The following ATP8A2 variants were observed in gnomAD, a reference collection of about 807,000 sequenced individuals.
ATP8A2 encodes the protein ATPase phospholipid transporting 8A2.
A neutral mutation model predicts 165.6 loss-of-function variants in ATP8A2; 100 were observed. The observed-to-expected ratio is 0.60, with a 90% CI of 0.51 to 0.71. ATP8A2 has a LOEUF of 0.71. Among genes scored for constraint, ATP8A2 ranks in the 30% least tolerant of loss-of-function variants. ATP8A2 has a pLI of 0.00. For synonymous variants in ATP8A2, 543 were observed against 548.8 expected, an observed-to-expected ratio of 0.99 and a Z score of 0.15; for missense variants, 1,227 against 1,479.5, an observed-to-expected ratio of 0.83 and a Z score of 2.80.
intron 1 of ATP8A2, among the ~76,000 whole-genome samples, chr13:25,393,035 G>A (rs994790091): frequency 6.6e-6 from 1 of 151,776 alleles, no homozygotes; most frequent in African/African-American, 2.4e-5. Context: ...GATAAAGATT[G>A]ATAAGCTTTT....
intron 24 of ATP8A2, chr13:25,649,079 A>T (rs2041749252): frequency 2.0e-6 from 1 of 488,536 alleles, no homozygotes; most frequent in African/African-American, 1.9e-5. Flanking sequence ...GAGTCCATGT[A>T]ATCCTTGTGT....
chr13:26,006,049 CA>C (rs979962018), intron 35 of ATP8A2, among the ~76,000 whole-genome samples: 3 of 151,338 alleles, frequency 2.0e-5, no homozygotes, highest in African/African-American at 4.8e-5. Context: ...AACAAACAAA[CA>C]AAAAAAACCA....
intron 24 of ATP8A2, among the ~76,000 whole-genome samples, chr13:25,644,132 T>G (rs973273081): frequency 1.4e-5 from 2 of 141,812 alleles, no homozygotes; most frequent in Non-Finnish European, 3.0e-5. Context: ...TAGTTCTGAG[T>G]TTTTTGGTGG....
chr13:25,856,098 C>G (rs1952158180), intron 30 of ATP8A2, among the ~76,000 whole-genome samples: 1 of 152,078 alleles, frequency 6.6e-6, no homozygotes, highest in African/African-American at 2.4e-5. Flanking sequence ...TTCAGGTTGT[C>G]TTTTTACTTT....
chr13:25,848,920 C>T (rs1363530125), intron 30 of ATP8A2, among the ~76,000 whole-genome samples: 4 of 151,864 alleles, frequency 2.6e-5, no homozygotes, highest in African/African-American at 9.7e-5. Flanking sequence ...TGGAATATAT[C>T]TTCACTCTTG....
chr13:25,647,380 G>C (rs1226101743), intron 24 of ATP8A2, among the ~76,000 whole-genome samples: 1 of 152,136 alleles, frequency 6.6e-6, no homozygotes, highest in Non-Finnish European at 1.5e-5. Context: ...AATATTTTTG[G>C]TTGGCAGATT....
At chr13:25,616,074 C>A (rs2040815402) in intron 24 of ATP8A2, among the ~76,000 whole-genome samples, 1 of 152,072 alleles carries the variant, frequency 6.6e-6, no homozygotes. Flanking sequence ...CTGTGATTTT[C>A]TCCTATACCC....
chr13:25,834,946 A>G (rs1951567336), intron 28 of ATP8A2, among the ~76,000 whole-genome samples: 1 of 151,726 alleles, frequency 6.6e-6, no homozygotes, highest in South Asian at 2.1e-4. Context: ...ATGACTGGCC[A>G]GTGTCAACGT....
At chr13:25,696,538 G>A (rs554609926) in intron 24 of ATP8A2, among the ~76,000 whole-genome samples, 2 of 152,306 alleles carry the variant, frequency 1.3e-5, no homozygotes, top group East Asian at 1.9e-4. Context: ...CAGCTTCCTC[G>A]TCAGCGCTTA....
rs1185474948 is a variant in ATP8A2 at position 25,425,462 on chromosome 13, CTT to C, written c.77-43498_77-43497del. 3.0e-3 allele frequency among the ~76,000 whole-genome samples: 175 copies of C among 58,938 alleles called. 24 individuals are homozygous for C. The highest frequency in any genetic ancestry group is 5.1e-3 in the Non-Finnish European group (116 of 22,674). The allele number at this position is 58,938 out of a possible 152,430, so 38.7% of individuals were successfully genotyped here. On this transcript the variant is annotated intron_variant, in intron 1 of 36. Coordinates refer to ENST00000381655, the MANE Select transcript of ATP8A2 (RefSeq NM_016529.6). ...CTTTTCAGATTGGCTTCTTTCTTTC[CTT>C]TTTTTTTTTTTTTTTTGAGATGGAG...
chr13:25,733,098 G>A (rs1459695075), intron 25 of ATP8A2, among the ~76,000 whole-genome samples: 1 of 152,186 alleles, frequency 6.6e-6, no homozygotes, highest in African/African-American at 2.4e-5. Flanking sequence ...GATGGGAACT[G>A]TGTGTCGTGA....
At position 25,425,644 on chromosome 13, in the gene ATP8A2, G is replaced by A. The variant is rs187488224; in HGVS notation, c.77-43333G>A. Among the ~76,000 whole-genome samples, 945 of 151,092 alleles carry A rather than the reference G, an allele frequency of 6.3e-3. 50 individuals are homozygous for A. Among genetic ancestry groups the A allele is most frequent in the Admixed American group, 0.011 (165 of 15,136 alleles). On this transcript the variant is annotated intron_variant, in intron 1 of 36. Transcript: ENST00000381655. ...GGCTGGAGTGCAATGGCACAATCTC[G>A]GCTCACTGCAACCTCTGCCTCCTGG... is the stretch of plus-strand genomic sequence containing the variant.
intron 23 of ATP8A2, among the ~76,000 whole-genome samples, chr13:25,583,505 C>T (rs1194094757): frequency 6.6e-6 from 1 of 152,156 alleles, no homozygotes; most frequent in African/African-American, 2.4e-5. Flanking sequence ...ACTGAACTAC[C>T]TTCAGTGTGT....
At chr13:25,555,123 A>C in intron 13 of ATP8A2, 55 bp downstream of exon 13, 1 of 1,278,470 alleles carries the variant, frequency 7.8e-7, no homozygotes, top group Non-Finnish European at 1.1e-6. Flanking sequence ...AGGGAAAATG[A>C]GTGTTAGCAG....
At chr13:25,687,004 C>A (rs2042615980) in intron 24 of ATP8A2, among the ~76,000 whole-genome samples, 1 of 152,162 alleles carries the variant, frequency 6.6e-6, no homozygotes, top group African/African-American at 2.4e-5. Flanking sequence ...TGCTTACTGA[C>A]TGTATGAATG....
intron 24 of ATP8A2, among the ~76,000 whole-genome samples, chr13:25,601,214 A>G (rs1370542581): frequency 1.3e-5 from 2 of 152,204 alleles, no homozygotes; most frequent in Non-Finnish European, 2.9e-5. Flanking sequence ...AAATTCTCAT[A>G]GTAAGTCGTA....
chr13:25,551,268 C>A, intron 10 of ATP8A2, 70 bp from the exon 11 acceptor site: 1 of 1,421,538 alleles, frequency 7.0e-7, no homozygotes, highest in South Asian at 1.4e-5. Context: ...GTTGTTTTAC[C>A]TCCTTTCCCC....
chr13:25,731,611 C>T (rs752917423), intron 25 of ATP8A2, among the ~76,000 whole-genome samples: 7 of 152,102 alleles, frequency 4.6e-5, no homozygotes, highest in Admixed American at 2.6e-4. Context: ...TGCTGATATA[C>T]GATATTTAGG....
chr13:25,881,257 G>A (rs1425134967), intron 33 of ATP8A2, among the ~76,000 whole-genome samples: 1 of 148,364 alleles, frequency 6.7e-6, no homozygotes, highest in African/African-American at 2.4e-5. Context: ...AGATCTGCTG[G>A]TTTCTTGCAC....
Sources: gnomAD v4.1 joint callset for allele counts (sites outside exome capture counted in the v4.1 genomes callset) on GRCh38, gnomAD v4.1.1 for gene constraint, MANE v1.5 for transcripts, NCBI Gene and HGNC (gene_info 2026-07-23, HGNC 2026-07-21) for gene names.